Variants in RIC1 observed in about 807,000 individuals in gnomAD.
RIC1 encodes the protein RIC1 partner of RAB6A GEF complex, also known as guanine nucleotide exchange factor subunit RIC1.
Under a neutral mutation model 169.0 loss-of-function variants are expected in RIC1, and 88 were observed. That is an observed-to-expected ratio of 0.52 (90% CI 0.44 to 0.62). The LOEUF is 0.62. RIC1 is among the 20% of genes least tolerant of loss of function. The pLI, the probability that RIC1 is intolerant of heterozygous loss-of-function variation, is 0.00. For synonymous variants in RIC1, 790 were observed against 601.5 expected, an observed-to-expected ratio of 1.31 and a Z score of -4.59; for missense variants, 1,877 against 1,725.5, an observed-to-expected ratio of 1.09 and a Z score of -1.56.
At position 5,763,032 on chromosome 9, in the gene RIC1, A is replaced by G; in HGVS notation, c.2113-108A>G. 4 of 1,363,192 alleles carry G rather than the reference A, an allele frequency of 2.9e-6. No homozygotes were observed. Among genetic ancestry groups the G allele is most frequent in the Non-Finnish European group, 3.9e-6 (4 of 1,015,656 alleles). The allele number at this position is 1,363,192 out of a possible 1,614,324, so 84.4% of individuals were successfully genotyped here. A position where few individuals can be genotyped will look rare whatever the true frequency, so the allele number is the denominator to read the frequency against. Reference sequence around the variant, plus strand: ...AATTAGATCCCTTTGCTTTTCCCAAAAAAATATTATACTATCATTTGAAAG... The same window carrying G: ...AATTAGATCCCTTTGCTTTTCCCAAGAAAATATTATACTATCATTTGAAAG... On this transcript the variant is annotated intron_variant, in intron 18 of 25. Transcript: ENST00000414202. The surrounding 1 kb of genome is among the most constrained non-coding windows in gnomAD (Gnocchi z 5.2).
chr9:5,763,159 T>C lies in RIC1; in HGVS notation c.2132T>C (p.Val711Ala). 1 of 1,614,028 alleles carries C rather than the reference T, an allele frequency of 6.2e-7. No individual in the cohort carries two copies. The highest frequency in any genetic ancestry group is 8.5e-7 in the Non-Finnish European group (1 of 1,179,908). The change falls in exon 19 of 26, where the codon GTT (valine) becomes GCT (alanine). Residue 711 changes from valine to alanine, a missense_variant. This residue lies in a region of RIC1 where 1,104 missense variants were observed against 992.0 expected (regional missense o/e 1.11). Coordinates refer to ENST00000414202, the MANE Select transcript of RIC1 (RefSeq NM_020829.4). The surrounding 1 kb of genome is among the most constrained non-coding windows in gnomAD (Gnocchi z 5.2). ...CTCCAGCTGCCATTCTGTCCTCCTG[T>C]TGTACTAGCCCAGTCTGTTGAAAAT... is the stretch of plus-strand genomic sequence containing the variant. ...QRKLLPFCPP[V>A]VLAQSVENVW...
In RIC1 at chr9:5,776,548, A is replaced by C. The variant is rs1827598237; in HGVS notation, c.*2302A>C. The C allele has an allele frequency of 6.6e-6, 1 of 152,106 alleles. No individual in the cohort carries two copies. Among genetic ancestry groups the C allele is most frequent in the Non-Finnish European group, 1.5e-5 (1 of 67,966 alleles). 9.4% of individuals were successfully genotyped at this position (152,106 alleles called of 1,614,324 possible). ...CCCCTTGGTAAAGGGCAATAAAACCATTACACAAACTTTGGTTTATTCATC... is the reference window on the plus strand; with the variant it reads ...CCCCTTGGTAAAGGGCAATAAAACCCTTACACAAACTTTGGTTTATTCATC... On this transcript the variant is annotated 3_prime_UTR_variant, in exon 26 of 26. Coordinates refer to ENST00000414202, the MANE Select transcript of RIC1 (RefSeq NM_020829.4).
intron 1 of RIC1, among the ~76,000 whole-genome samples, chr9:5,636,634 A>G (rs930029150): frequency 6.6e-6 from 1 of 151,934 alleles, no homozygotes; most frequent in Non-Finnish European, 1.5e-5. Flanking sequence ...TTCTTAATTT[A>G]TTTTTTAGAT....
chr9:5,727,999 A>C (rs1824106827), intron 6 of RIC1, among the ~76,000 whole-genome samples: 1 of 152,188 alleles, frequency 6.6e-6, no homozygotes. Flanking sequence ...TCAGGGACCC[A>C]CTTGAGGAGG....
chr9:5,725,809 G>C (rs1169181628), intron 6 of RIC1, among the ~76,000 whole-genome samples: 1 of 151,972 alleles, frequency 6.6e-6, no homozygotes, highest in South Asian at 2.1e-4. Flanking sequence ...CCTTCATTTC[G>C]TTATGTACCC....
intron 2 of RIC1, among the ~76,000 whole-genome samples, chr9:5,681,563 C>G (rs922854951): frequency 6.6e-6 from 1 of 152,138 alleles, no homozygotes; most frequent in East Asian, 1.9e-4. Context: ...TTACTTCAAA[C>G]TATGTGGTCA....
intron 4 of RIC1, among the ~76,000 whole-genome samples, chr9:5,716,159 A>C (rs2130841427): frequency 6.6e-6 from 1 of 152,210 alleles, no homozygotes; most frequent in South Asian, 2.1e-4. Context: ...TCCTAAATTT[A>C]AACATACATT....
intron 4 of RIC1, among the ~76,000 whole-genome samples, chr9:5,718,549 T>C (rs1233382001): frequency 1.3e-5 from 2 of 152,232 alleles, no homozygotes; most frequent in Admixed American, 1.3e-4. Flanking sequence ...GCCTATTGTG[T>C]GACTCAGGCC....
chr9:5,643,693 G>A (rs1408947896), intron 1 of RIC1, among the ~76,000 whole-genome samples: 1 of 152,198 alleles, frequency 6.6e-6, no homozygotes, highest in Non-Finnish European at 1.5e-5. Flanking sequence ...CTATGTGATT[G>A]TTTACTTCAG....
At chr9:5,702,876 C>G (rs879531881) in intron 3 of RIC1, among the ~76,000 whole-genome samples, 8 of 152,140 alleles carry the variant, frequency 5.3e-5, no homozygotes, top group Admixed American at 4.6e-4. Flanking sequence ...AACCAGATCT[C>G]ACGATAACTT....
chr9:5,738,651 T>C, intron 8 of RIC1, 113 bp downstream of exon 8: 4 of 572,780 alleles, frequency 7.0e-6, no homozygotes, highest in South Asian at 3.3e-5. Context: ...AGGTCAAATA[T>C]TGGGGCTCTG....
rs568968816 is a variant in RIC1, at chr9:5,687,272, C to G, written c.253-2687C>G. Among the ~76,000 whole-genome samples, 6 of 152,152 alleles carry G rather than the reference C, an allele frequency of 3.9e-5. No individual in the cohort carries two copies. In the East Asian group the frequency reaches 1.2e-3, roughly 29 times the overall value. On this transcript the variant is annotated intron_variant, in intron 2 of 25. Coordinates refer to ENST00000414202, the MANE Select transcript of RIC1 (RefSeq NM_020829.4). Reference sequence around the variant, plus strand: ...TTTTAGTGATCTTCTAAAACAATAACAAAAGAACCCCAGATTTTTATTCAT... The same window carrying G: ...TTTTAGTGATCTTCTAAAACAATAAGAAAAGAACCCCAGATTTTTATTCAT...
At chr9:5,643,189 C>A (rs551396355) in intron 1 of RIC1, among the ~76,000 whole-genome samples, 1 of 152,090 alleles carries the variant, frequency 6.6e-6, no homozygotes, top group Non-Finnish European at 1.5e-5. Context: ...TGCCTGTGGT[C>A]TCAGCTAATC....
chr9:5,692,500 T>C (rs1163534146), intron 3 of RIC1, among the ~76,000 whole-genome samples: 1 of 152,044 alleles, frequency 6.6e-6, no homozygotes, highest in African/African-American at 2.4e-5. Flanking sequence ...CTACTTGATA[T>C]TTTACTTCTT....
At chr9:5,708,074 A>G (rs1239944350) in intron 3 of RIC1, among the ~76,000 whole-genome samples, 2 of 151,756 alleles carry the variant, frequency 1.3e-5, no homozygotes, top group African/African-American at 4.8e-5. Context: ...TGTTTTAGTT[A>G]TTAATGGTTA....
chr9:5,696,618 T>G (rs2130748470), intron 3 of RIC1, among the ~76,000 whole-genome samples: 1 of 152,210 alleles, frequency 6.6e-6, no homozygotes, highest in Non-Finnish European at 1.5e-5. Flanking sequence ...AATCCAACAA[T>G]GAGAGATCTA....
At chr9:5,651,983 A>G (rs1818828737) in intron 1 of RIC1, among the ~76,000 whole-genome samples, 1 of 152,192 alleles carries the variant, frequency 6.6e-6, no homozygotes, top group East Asian at 1.9e-4. Flanking sequence ...TCCTTTCTCC[A>G]ATGTGTGCTC....
chr9:5,715,843 C>T (rs1322069785), intron 4 of RIC1, among the ~76,000 whole-genome samples: 3 of 150,536 alleles, frequency 2.0e-5, no homozygotes, highest in Non-Finnish European at 3.0e-5. Flanking sequence ...CCCACTCCTC[C>T]GACAGGGTCT....
At chr9:5,682,794 G>C (rs115201743) in intron 2 of RIC1, among the ~76,000 whole-genome samples, 1,722 of 152,204 alleles carry the variant, frequency 0.011, 45 homozygotes, top group African/African-American at 0.039. Flanking sequence ...TTTCAGGTCA[G>C]GTACACCAAT....
Sources: gnomAD v4.1 joint callset for allele counts (sites outside exome capture counted in the v4.1 genomes callset) on GRCh38, gnomAD v4.1.1 for gene constraint, gnomAD v4.1.1 regional missense constraint, Gnocchi (gnomAD v3.1) non-coding constraint, MANE v1.5 for transcripts, NCBI Gene and HGNC (gene_info 2026-07-23, HGNC 2026-07-21) for gene names.